DTNBP1: variants seen among roughly 807,000 people sequenced by gnomAD.
DTNBP1 encodes dystrobrevin binding protein 1.
Under a neutral mutation model 42.8 loss-of-function variants are expected in DTNBP1, and 35 were observed. The ratio of observed to expected loss-of-function variants is 0.82; its 90% confidence interval spans 0.63 to 1.09. DTNBP1 has a LOEUF of 1.09. Ranked by LOEUF, DTNBP1 falls within the 50% of genes least tolerant of loss-of-function variation. The pLI is 0.00. For missense variants in DTNBP1, 457 were observed against 424.2 expected (o/e 1.08, Z -0.68); for synonymous variants, 171 against 162.2 (o/e 1.05, Z -0.41).
intron 6 of DTNBP1, among the ~76,000 whole-genome samples, chr6:15,598,130 A>G (rs1035423784): frequency 4.6e-5 from 7 of 152,234 alleles, no homozygotes; most frequent in Non-Finnish European, 8.8e-5. Flanking sequence ...AACTGCTATT[A>G]TTTAATCATT....
At chr6:15,640,725 C>A (rs749382154) in intron 3 of DTNBP1, among the ~76,000 whole-genome samples, 1 of 152,186 alleles carries the variant, frequency 6.6e-6, no homozygotes, top group Non-Finnish European at 1.5e-5. Flanking sequence ...ACCTAGACCA[C>A]AATCACATTG....
intron 4 of DTNBP1, among the ~76,000 whole-genome samples, chr6:15,630,302 G>C (rs1659216092): frequency 6.6e-6 from 1 of 152,150 alleles, no homozygotes; most frequent in Non-Finnish European, 1.5e-5. Flanking sequence ...ACTAAGAGAG[G>C]CCATGTTATC....
intron 6 of DTNBP1, among the ~76,000 whole-genome samples, chr6:15,600,584 C>G (rs9296987): frequency 0.15 from 23,499 of 152,024 alleles, 2,704 homozygotes; most frequent in African/African-American, 0.32. Context: ...CTACAGACAG[C>G]AAGACTAATT....
rs551543522 is a variant in DTNBP1 at position 15,559,170 on chromosome 6, A to T, written c.512-25775T>A. 5.9e-4 allele frequency among the ~76,000 whole-genome samples: 90 copies of T among 152,362 alleles called. 1 individual carries two copies. Among genetic ancestry groups the T allele is most frequent in the Middle Eastern group, 3.4e-3 (1 of 294 alleles). On this transcript the variant is annotated intron_variant, in intron 7 of 9. Coordinates refer to ENST00000344537, the MANE Select transcript of DTNBP1 (RefSeq NM_032122.5). ...TGCAAAGGAGACAAGAGCCTTGAAG[A>T]TGAGGAGCACGGTGGCCAGCCATCA...
chr6:15,583,606 A>T (rs1449394504), intron 7 of DTNBP1, among the ~76,000 whole-genome samples: 1 of 152,218 alleles, frequency 6.6e-6, no homozygotes, highest in Non-Finnish European at 1.5e-5. Flanking sequence ...TAAAATTTTC[A>T]AAGATTTCTT....
chr6:15,583,715 TATTCATGATACCAAAC>T (rs1181083762), intron 7 of DTNBP1, among the ~76,000 whole-genome samples: 1 of 152,254 alleles, frequency 6.6e-6, no homozygotes, highest in Non-Finnish European at 1.5e-5. Flanking sequence ...TAGCTGTATT[TATTCATGATACCAAAC>T]ATTTATGATA....
At chr6:15,559,047 T>A (rs1352285005) in intron 7 of DTNBP1, among the ~76,000 whole-genome samples, 1 of 152,182 alleles carries the variant, frequency 6.6e-6, no homozygotes, top group African/African-American at 2.4e-5. Flanking sequence ...AAGTTCGAAA[T>A]GGGTCATAAA....
chr6:15,596,844 C>T (rs1431473544), intron 6 of DTNBP1, among the ~76,000 whole-genome samples: 2 of 152,138 alleles, frequency 1.3e-5, no homozygotes, highest in Non-Finnish European at 2.9e-5. Context: ...CTTCTCCAGT[C>T]GACGTCATCT....
rs559152200 is a variant in DTNBP1 at position 15,587,340 on chromosome 6, G to A, written c.511+5719C>T. 1.3e-5 allele frequency among the ~76,000 whole-genome samples: 2 copies of A among 152,208 alleles called. No homozygotes were observed. The highest frequency in any genetic ancestry group is 4.1e-4 in the South Asian group (2 of 4,822). On this transcript the variant is annotated intron_variant, in intron 7 of 9. Coordinates refer to ENST00000344537, the MANE Select transcript of DTNBP1 (RefSeq NM_032122.5). This position sits in a 1 kb window ranked among gnomAD's most constrained non-coding sequence, Gnocchi z 4.1. ...ATTTTCCCCAAATTGATCTATACAT[G>A]CAACACAACCATCCCTATTCAAGTC... is the stretch of plus-strand genomic sequence containing the variant.
chr6:15,655,584 C>T (rs1761233704), intron 1 of DTNBP1, among the ~76,000 whole-genome samples: 1 of 144,980 alleles, frequency 6.9e-6, no homozygotes. Context: ...TTTTTCCCTG[C>T]TAAAAAATAA....
At chr6:15,573,175 G>A (rs552689336) in intron 7 of DTNBP1, among the ~76,000 whole-genome samples, 1 of 152,120 alleles carries the variant, frequency 6.6e-6, no homozygotes, top group South Asian at 2.1e-4. Flanking sequence ...TTTTAGGTAT[G>A]TTTTATAGTC....
chr6:15,619,294 A>G (rs900849524), intron 5 of DTNBP1, among the ~76,000 whole-genome samples: 1 of 152,234 alleles, frequency 6.6e-6, no homozygotes, highest in Admixed American at 6.5e-5. Context: ...CACTGTGTAC[A>G]TGTATCAAAA....
At chr6:15,653,449 T>C (rs1200818124) in intron 1 of DTNBP1, among the ~76,000 whole-genome samples, 1 of 152,248 alleles carries the variant, frequency 6.6e-6, no homozygotes, top group Non-Finnish European at 1.5e-5. Flanking sequence ...TTCTGCCAGC[T>C]ATTTAATTCT....
chr6:15,537,819 C>G (rs1201533905), intron 7 of DTNBP1, among the ~76,000 whole-genome samples: 1 of 152,202 alleles, frequency 6.6e-6, no homozygotes, highest in African/African-American at 2.4e-5. Context: ...CTATGCAGAA[C>G]TGTGAGTCAA....
At chr6:15,598,097 G>A (rs902652959) in intron 6 of DTNBP1, among the ~76,000 whole-genome samples, 2 of 152,096 alleles carry the variant, frequency 1.3e-5, no homozygotes, top group Non-Finnish European at 2.9e-5. Context: ...AGGATCAAAA[G>A]CTAATAATAT....
intron 7 of DTNBP1, among the ~76,000 whole-genome samples, chr6:15,585,550 C>T (rs1227291768): frequency 6.6e-6 from 1 of 151,870 alleles, no homozygotes; most frequent in Non-Finnish European, 1.5e-5. Flanking sequence ...TAATAATGCT[C>T]TCATAAAAAT....
chr6:15,615,496 G>T, intron 5 of DTNBP1, 97 bp from the exon 6 acceptor site: 1 of 1,497,390 alleles, frequency 6.7e-7, no homozygotes, highest in Non-Finnish European at 9.2e-7. Context: ...ACATTGTTGA[G>T]ATTGTTTTGC....
At chr6:15,531,424 A>C (rs1772818280) in intron 8 of DTNBP1, among the ~76,000 whole-genome samples, 1 of 152,152 alleles carries the variant, frequency 6.6e-6, no homozygotes, top group Non-Finnish European at 1.5e-5. Context: ...ACAGAGGACA[A>C]ATGCAGGGTC....
chr6:15,612,363 A>G (rs1328674049), intron 6 of DTNBP1, among the ~76,000 whole-genome samples: 2 of 152,250 alleles, frequency 1.3e-5, no homozygotes, highest in Non-Finnish European at 2.9e-5. Context: ...AAGCAAAAAA[A>G]AAATCATGTA....
Sources: allele counts gnomAD v4.1 joint callset (sites outside exome capture counted in the v4.1 genomes callset), GRCh38; gene constraint gnomAD v4.1.1; non-coding constraint Gnocchi (gnomAD v3.1); transcripts MANE v1.5; gene names NCBI Gene and HGNC (gene_info 2026-07-23, HGNC 2026-07-21).